Variants in RESF1 observed in about 807,000 individuals in gnomAD.
The protein encoded by RESF1 is retroelement silencing factor 1.
RESF1 carries 65 observed loss-of-function variants against 134.7 expected under a neutral mutation model. The observed-to-expected ratio is 0.48, with a 90% confidence interval of 0.40 to 0.59. The LOEUF is 0.59. RESF1 is among the 20% of genes least tolerant of loss of function. RESF1 has a pLI of 0.00. For missense variants in RESF1, 2,274 were observed against 2,002.7 expected, an observed-to-expected ratio of 1.14 and a Z score of -2.59; for synonymous variants, 762 against 702.2, an observed-to-expected ratio of 1.09 and a Z score of -1.35.
At position 31,981,195 on chromosome 12, in the gene RESF1, T is replaced by A. The variant is rs868101357; in HGVS notation, c.240T>A (p.Asn80Lys). The change falls in exon 4 of 6, where the codon AAT becomes AAA. Residue 80 changes from asparagine (N) to lysine (K), a missense_variant. Transcript: ENST00000312561. ...PQQISVSDMHNGTVVASHTSV... is the reference protein window; with the variant it reads ...PQQISVSDMHKGTVVASHTSV... ...AAATTTCTGTTTCTGATATGCATAA[T>A]GGGACAGTTGTGGCCTCACACACTT... The A allele has an allele frequency of 9.3e-6, 15 of 1,614,130 alleles. No individual in the cohort carries two copies. In the Middle Eastern group the frequency reaches 2.0e-3, roughly 213 times the overall value.
At chr12:31,959,653 CCGG>C (rs1939206844) in intron 1 of RESF1, 162 bp downstream of exon 1, 1 of 151,152 alleles carries the variant, frequency 6.6e-6, no homozygotes, top group African/African-American at 2.4e-5. Flanking sequence ...GCCCCGGAAC[CCGG>C]GCCTCGGGCC....
intron 3 of RESF1, among the ~76,000 whole-genome samples, chr12:31,979,982 T>C (rs894130229): frequency 6.6e-6 from 1 of 152,042 alleles, no homozygotes; most frequent in African/African-American, 2.4e-5. Context: ...ATCCTGATGG[T>C]ATCTAGGGGC....
chr12:31,976,250 C>T (rs1939627768), intron 3 of RESF1, among the ~76,000 whole-genome samples: 1 of 152,150 alleles, frequency 6.6e-6, no homozygotes, highest in Non-Finnish European at 1.5e-5. Context: ...GGATAACTGA[C>T]TCTTGTGCAG....
rs140764738 is a variant in RESF1 at position 31,985,610 on chromosome 12, A to C, written c.4655A>C (p.Lys1552Thr). 2 of 1,604,520 alleles carry C rather than the reference A, an allele frequency of 1.2e-6. No individual in the cohort carries two copies. The highest frequency in any genetic ancestry group is 2.7e-5 in the African/African-American group (2 of 74,220). The change falls in exon 4 of 6, where the codon AAG becomes ACG. Residue 1552 changes from lysine (K) to threonine (T), a missense_variant. Lys to Thr is a moderately conservative substitution (Grantham distance 78). Transcript: ENST00000312561. ...GKQPDKIWID[K>T]TKLDKLTNIS... ...CAGCCTGATAAAATATGGATTGATA[A>C]GACTAAATTAGACAAATTAACCAAT...
At position 31,982,868 on chromosome 12, in the gene RESF1, C is replaced by G. The variant is rs747682960; in HGVS notation, c.1913C>G (p.Ser638Cys). 2.5e-6 allele frequency: 4 copies of G among 1,613,990 alleles called. No individual in the cohort carries two copies. The Admixed American group carries it at 5.0e-5, about 20-fold the overall frequency. ...NLKNMETPST[S>C]NVSGRVLDNS... ...AAGAACATGGAAACTCCAAGTACTT[C>G]TAATGTAAGTGGCAGGGTTTTGGAC... The change falls in exon 4 of 6, where the codon TCT (serine) becomes TGT (cysteine). Residue 638 changes from serine to cysteine, a missense_variant. Coordinates refer to ENST00000312561, the MANE Select transcript of RESF1 (RefSeq NM_018169.4).
In RESF1 at chr12:31,984,946, T is replaced by C. The variant is rs1277267942; in HGVS notation, c.3991T>C (p.Ser1331Pro). The change falls in exon 4 of 6, where the codon TCA (serine) becomes CCA (proline). Residue 1331 changes from serine (S) to proline (P), a missense_variant. Transcript: ENST00000312561. ...TRQKKHVTQNSRPLKTKTAFL... is the reference protein window; with the variant it reads ...TRQKKHVTQNPRPLKTKTAFL... ...ACAGAAGAAACATGTAACACAGAACTCACGTCCACTAAAAACAAAAACAGC... is the reference window on the plus strand; with the variant it reads ...ACAGAAGAAACATGTAACACAGAACCCACGTCCACTAAAAACAAAAACAGC... 1.2e-6 allele frequency: 2 copies of C among 1,613,320 alleles called. No homozygotes were observed. The highest frequency in any genetic ancestry group is 1.7e-5 in the Admixed American group (1 of 59,896).
chr12:31,970,938 A>G (rs548244132), intron 3 of RESF1, among the ~76,000 whole-genome samples: 13 of 152,268 alleles, frequency 8.5e-5, no homozygotes, highest in African/African-American at 2.9e-4. Context: ...CTCTGTTGGT[A>G]TGTCTTCCCA....
intron 2 of RESF1, among the ~76,000 whole-genome samples, chr12:31,966,864 G>T (rs1373475820): frequency 3.3e-5 from 5 of 152,216 alleles, no homozygotes; most frequent in African/African-American, 1.2e-4. Flanking sequence ...ATACATGAAA[G>T]ATGGGAAGGC....
At chr12:31,977,549 C>G (rs10506077) in intron 3 of RESF1, among the ~76,000 whole-genome samples, 39,519 of 152,046 alleles carry the variant, frequency 0.26, 5,357 homozygotes, top group African/African-American at 0.33. Flanking sequence ...ATGTCTCTTG[C>G]TGTGTAATTG....
chr12:31,984,969 A>C lies in RESF1; in HGVS notation c.4014A>C (p.Thr1338=), dbSNP rs764704283. The C allele has an allele frequency of 6.2e-7, 1 of 1,613,198 alleles. No homozygotes were observed. Among genetic ancestry groups the C allele is most frequent in the South Asian group, 1.1e-5 (1 of 90,644 alleles). Residue 1338 remains threonine, a synonymous_variant, in exon 4 of 6, where the codon ACA becomes ACC. Transcript: ENST00000312561. ...TQNSRPLKTK[T]AFLPNKDVYK... The stretch of plus-strand genomic sequence containing the variant: ...ACTCACGTCCACTAAAAACAAAAAC[A>C]GCTTTTTTGCCAAATAAAGATGTGT...
intron 3 of RESF1, among the ~76,000 whole-genome samples, chr12:31,971,843 T>C (rs1939515065): frequency 6.6e-6 from 1 of 152,182 alleles, no homozygotes; most frequent in African/African-American, 2.4e-5. Flanking sequence ...CATTTTCTGT[T>C]ACTTATAGCA....
intron 4 of RESF1, among the ~76,000 whole-genome samples, 171 bp downstream of exon 4, chr12:31,986,128 T>A (rs1231006876): frequency 6.6e-6 from 1 of 152,216 alleles, no homozygotes; most frequent in African/African-American, 2.4e-5. Context: ...GGGCAATATT[T>A]GTTTTGTGTT....
intron 2 of RESF1, among the ~76,000 whole-genome samples, chr12:31,968,033 G>T (rs1939436782): frequency 6.6e-6 from 1 of 152,196 alleles, no homozygotes. Flanking sequence ...TGGAATTCCT[G>T]AAAAGTGGCT....
intron 5 of RESF1, among the ~76,000 whole-genome samples, chr12:31,989,486 C>T (rs908952314): frequency 3.3e-5 from 5 of 150,740 alleles, no homozygotes; most frequent in African/African-American, 4.9e-5. Flanking sequence ...CAATAAGAAG[C>T]ACATTTTATA....
rs575687436 is a variant in RESF1, at chr12:31,969,819, G to A, written c.-246-370G>A. Among the ~76,000 whole-genome samples, 3 of 152,212 alleles carry A rather than the reference G, an allele frequency of 2.0e-5. No homozygotes were observed. In the East Asian group the frequency reaches 5.8e-4, roughly 29 times the overall value. On this transcript the variant is annotated intron_variant, in intron 2 of 5. Transcript: ENST00000312561. ...CTGCCCAGGTTAGTCTCGAACTTCTGAGCTCAAGTGATCTGCCTGCCTTGG... is the reference window on the plus strand; with the variant it reads ...CTGCCCAGGTTAGTCTCGAACTTCTAAGCTCAAGTGATCTGCCTGCCTTGG...
Position 31,985,839 on chromosome 12 carries a change from AAAATC to A in RESF1, c.4888_4892del (p.Ser1630HisfsTer5), listed in dbSNP as rs764849019. ...TTTTACCGGTGAAAGGTAACACAGAAAAATCAAACATGCTGGAGTTTAAATTATGT... is the reference window on the plus strand; with the variant it reads ...TTTTACCGGTGAAAGGTAACACAGAAAAACATGCTGGAGTTTAAATTATGT... On this transcript the variant is annotated frameshift_variant, in exon 4 of 6. Coordinates refer to ENST00000312561, the MANE Select transcript of RESF1 (RefSeq NM_018169.4). LOFTEE classifies it high-confidence loss of function. 1.9e-6 allele frequency: 3 copies of A among 1,564,856 alleles called. No homozygotes were observed. Among genetic ancestry groups the A allele is most frequent in the African/African-American group, 2.8e-5 (2 of 72,214 alleles).
In RESF1 at chr12:31,985,417, G is replaced by A. The variant is rs751682081; in HGVS notation, c.4462G>A (p.Val1488Ile). The A allele has an allele frequency of 1.2e-6, 2 of 1,605,968 alleles. No homozygotes were observed. The highest frequency in any genetic ancestry group is 1.7e-5 in the Admixed American group (1 of 57,500). ...GAGACCAAGTAAACTTGCCGTGCAG[G>A]TTGAAAGTTGTGGGAAATCAAATGA... ...HMRPSKLAVQVESCGKSNEKH... is the reference protein window; with the variant it reads ...HMRPSKLAVQIESCGKSNEKH... Residue 1488 changes from valine to isoleucine, a missense_variant, in exon 4 of 6, where the codon GTT (valine) becomes ATT (isoleucine). Transcript: ENST00000312561.
rs770866997 is a variant in RESF1, at chr12:31,983,411, G to A, written c.2456G>A (p.Ser819Asn). The change falls in exon 4 of 6, where the codon AGT becomes AAT. Residue 819 changes from serine (S) to asparagine (N), a missense_variant. By Grantham distance (46) the Ser-to-Asn change is conservative. Coordinates refer to ENST00000312561, the MANE Select transcript of RESF1 (RefSeq NM_018169.4). ...KATAALKVDV[S>N]GPVASTATST... ...ACTGCTGCTTTGAAAGTTGATGTTA[G>A]TGGACCAGTAGCAAGTACAGCAACA... 7 of 1,614,064 alleles carry A rather than the reference G, an allele frequency of 4.3e-6. No individual in the cohort carries two copies. In the South Asian group the frequency reaches 4.4e-5, roughly 10 times the overall value.
intron 5 of RESF1, among the ~76,000 whole-genome samples, chr12:31,987,882 A>G (rs922507883): frequency 6.6e-6 from 1 of 152,050 alleles, no homozygotes; most frequent in African/African-American, 2.4e-5. Context: ...CTGCAGTTGC[A>G]TACCACCACG....
Sources: allele counts gnomAD v4.1 joint callset (sites outside exome capture counted in the v4.1 genomes callset), GRCh38; gene constraint gnomAD v4.1.1; transcripts MANE v1.5; gene names NCBI Gene and HGNC (gene_info 2026-07-23, HGNC 2026-07-21).